Variants in GRM7 observed in about 807,000 individuals in gnomAD.
GRM7 encodes glutamate metabotropic receptor 7, also known as metabotropic glutamate receptor 7.
GRM7 carries 35 observed loss-of-function variants against 84.5 expected under a neutral mutation model. The observed-to-expected ratio is 0.41, with a 90% CI of 0.32 to 0.55. The LOEUF is 0.55. Among genes scored for constraint, GRM7 ranks in the 20% least tolerant of loss-of-function variants. The probability of loss-of-function intolerance (pLI) is 0.19; values close to 1 mark genes in which losing one functional copy is unlikely to be tolerated. For synonymous variants in GRM7, 487 were observed against 455.1 expected, an observed-to-expected ratio of 1.07 and a Z score of -0.89; for missense variants, 1,003 against 1,194.6, an observed-to-expected ratio of 0.84 and a Z score of 2.36.
At chr3:6,926,975 T>A (rs577950531) in intron 1 of GRM7, among the ~76,000 whole-genome samples, 1 of 152,326 alleles carries the variant, frequency 6.6e-6, no homozygotes, top group South Asian at 2.1e-4. Context: ...TTCTTCTTTT[T>A]ATCATAGTCA....
At chr3:7,367,663 A>T (rs1693955860) in intron 4 of GRM7, among the ~76,000 whole-genome samples, 1 of 151,946 alleles carries the variant, frequency 6.6e-6, no homozygotes, top group South Asian at 2.1e-4. Flanking sequence ...CCAATATCTT[A>T]TTAAGAAACT....
rs1575036662 is a variant in GRM7, at chr3:6,936,824, A to G, written c.519+74917A>G. Among the ~76,000 whole-genome samples the G allele has an allele frequency of 3.9e-5, 6 of 152,292 alleles. No individual in the cohort carries two copies. The East Asian group carries it at 1.2e-3, about 29-fold the overall frequency. ...TTCCATCCCTTATTATTAGACATATAAAATGTTTTATTTTTATTATTAGAC... is the reference window on the plus strand; with the variant it reads ...TTCCATCCCTTATTATTAGACATATGAAATGTTTTATTTTTATTATTAGAC... On this transcript the variant is annotated intron_variant, in intron 1 of 9. Coordinates refer to ENST00000357716, the MANE Select transcript of GRM7 (RefSeq NM_000844.4).
At chr3:7,085,369 A>C (rs1698418117) in intron 1 of GRM7, among the ~76,000 whole-genome samples, 1 of 152,190 alleles carries the variant, frequency 6.6e-6, no homozygotes, top group Non-Finnish European at 1.5e-5. Flanking sequence ...TTATTTTTCA[A>C]ATAACAATAT....
At position 7,658,047 on chromosome 3, in the gene GRM7, G is replaced by A. The variant is rs1434053797; in HGVS notation, c.2452-22002G>A. On this transcript the variant is annotated intron_variant, in intron 8 of 9. Transcript: ENST00000357716. ...CTAAACCAGAATTGATAAGAATGAA[G>A]AACACTATTGTGAATTATTCCCTCT... 2.6e-5 allele frequency among the ~76,000 whole-genome samples: 4 copies of A among 152,106 alleles called. No individual in the cohort carries two copies. In the South Asian group the frequency reaches 6.2e-4, roughly 24 times the overall value.
At chr3:7,692,692 A>G (rs1310801783) in intron 9 of GRM7, among the ~76,000 whole-genome samples, 4 of 152,242 alleles carry the variant, frequency 2.6e-5, no homozygotes, top group African/African-American at 9.6e-5. Flanking sequence ...GACTTAGAGC[A>G]GTGAATTAAC....
intron 7 of GRM7, among the ~76,000 whole-genome samples, chr3:7,575,081 TA>T (rs747685506): frequency 7.2e-5 from 11 of 152,228 alleles, no homozygotes; most frequent in Non-Finnish European, 8.8e-5. Context: ...GCTCTTTCCC[TA>T]AACTACTGAT....
intron 4 of GRM7, among the ~76,000 whole-genome samples, chr3:7,347,413 A>G (rs1204072311): frequency 2.0e-5 from 3 of 152,194 alleles, no homozygotes; most frequent in African/African-American, 7.2e-5. Context: ...CACCTGTGAT[A>G]TTTGCAGATA....
chr3:7,561,154 C>T (rs975576698), intron 7 of GRM7, among the ~76,000 whole-genome samples: 1 of 152,084 alleles, frequency 6.6e-6, no homozygotes, highest in South Asian at 2.1e-4. Flanking sequence ...TGCATTCATG[C>T]TTTCTTGCGT....
chr3:6,963,084 C>T (rs377671085), intron 1 of GRM7, among the ~76,000 whole-genome samples: 1 of 152,112 alleles, frequency 6.6e-6, no homozygotes, highest in Admixed American at 6.6e-5. Flanking sequence ...TAAAAAAGAG[C>T]CTTGGTGGTC....
chr3:7,622,593 G>C (rs1259007369), intron 8 of GRM7, among the ~76,000 whole-genome samples: 3 of 151,994 alleles, frequency 2.0e-5, no homozygotes, highest in African/African-American at 7.2e-5. Context: ...GAATACGGTG[G>C]AATTGACATA....
chr3:7,443,835 G>C (rs557454458), intron 5 of GRM7, among the ~76,000 whole-genome samples: 2 of 152,282 alleles, frequency 1.3e-5, no homozygotes, highest in South Asian at 4.1e-4. Context: ...CTAGGGGCAA[G>C]ACTACAAGGT....
chr3:7,596,141 A>C (rs73019899), intron 8 of GRM7, among the ~76,000 whole-genome samples: 28,372 of 152,158 alleles, frequency 0.19, 2,784 homozygotes, highest in Middle Eastern at 0.3. Flanking sequence ...TGAGCTAGAC[A>C]GAATCTGGTG....
chr3:7,061,124 A>G (rs1697421951), intron 1 of GRM7, among the ~76,000 whole-genome samples: 1 of 151,770 alleles, frequency 6.6e-6, no homozygotes, highest in African/African-American at 2.4e-5. Context: ...TGAAGACCAT[A>G]CTCCTTGTGT....
intron 3 of GRM7, among the ~76,000 whole-genome samples, chr3:7,303,973 T>C (rs1412484381): frequency 2.0e-5 from 3 of 151,870 alleles, no homozygotes; most frequent in Non-Finnish European, 2.9e-5. Flanking sequence ...AACTTTTTCA[T>C]GTGTTTTACA....
intron 1 of GRM7, among the ~76,000 whole-genome samples, chr3:6,940,435 A>G (rs557145294): frequency 6.4e-4 from 97 of 152,238 alleles, no homozygotes; most frequent in African/African-American, 2.3e-3. Context: ...AACAAACATA[A>G]GTTTTTCTAT....
At chr3:7,183,216 G>T (rs1351685677) in intron 2 of GRM7, among the ~76,000 whole-genome samples, 1 of 152,192 alleles carries the variant, frequency 6.6e-6, no homozygotes. Flanking sequence ...TAACTTTAAA[G>T]ACTAGGAAGT....
At chr3:7,340,957 T>G (rs368871079) in intron 4 of GRM7, among the ~76,000 whole-genome samples, 104 of 152,242 alleles carry the variant, frequency 6.8e-4, no homozygotes, top group African/African-American at 2.4e-3. Context: ...ACCTGGCACC[T>G]GCAGAGAGAC....
intron 1 of GRM7, among the ~76,000 whole-genome samples, chr3:6,890,687 G>T (rs1425892878): frequency 1.3e-5 from 2 of 152,030 alleles, no homozygotes; most frequent in Non-Finnish European, 1.5e-5. Flanking sequence ...GTGGTGTGGT[G>T]CTGAAAAAAA....
At chr3:7,446,043 C>G (rs1338596549) in intron 5 of GRM7, among the ~76,000 whole-genome samples, 1 of 152,156 alleles carries the variant, frequency 6.6e-6, no homozygotes, top group Non-Finnish European at 1.5e-5. Context: ...TTTATTGAAG[C>G]ATTTATCACT....
Sources: gnomAD v4.1 joint callset for allele counts (sites outside exome capture counted in the v4.1 genomes callset) on GRCh38, gnomAD v4.1.1 for gene constraint, MANE v1.5 for transcripts, NCBI Gene and HGNC (gene_info 2026-07-23, HGNC 2026-07-21) for gene names.